APBB2: variants seen among roughly 807,000 people sequenced by gnomAD.
The protein encoded by APBB2 is Fe65-like 1.
A neutral mutation model predicts 82.5 loss-of-function variants in APBB2; 38 were observed. The ratio of observed to expected loss-of-function variants is 0.46; its 90% confidence interval spans 0.36 to 0.60. The LOEUF (loss-of-function observed/expected upper bound fraction) is 0.60, where lower values mean the gene tolerates loss of function less well. APBB2 is among the 20% of genes least tolerant of loss of function. The probability of loss-of-function intolerance (pLI) is 0.00; values close to 1 mark genes in which losing one functional copy is unlikely to be tolerated. For synonymous variants in APBB2, 341 were observed against 368.2 expected, an observed-to-expected ratio of 0.93 and a Z score of 0.85; for missense variants, 772 against 972.3, an observed-to-expected ratio of 0.79 and a Z score of 2.74.
At chr4:41,035,454 A>G (rs140811301) in intron 4 of APBB2, among the ~76,000 whole-genome samples, 1 of 152,362 alleles carries the variant, frequency 6.6e-6, no homozygotes, top group African/African-American at 2.4e-5. Context: ...TCTTTGCCCT[A>G]TAACTTTCTG....
intron 4 of APBB2, among the ~76,000 whole-genome samples, chr4:41,052,780 T>A (rs916881066): frequency 6.6e-6 from 1 of 151,850 alleles, no homozygotes; most frequent in African/African-American, 2.4e-5. Context: ...CTTCTTTTTT[T>A]TTTTTTTGAG....
chr4:40,869,176 C>G (rs2154339445), intron 12 of APBB2, among the ~76,000 whole-genome samples: 1 of 152,146 alleles, frequency 6.6e-6, no homozygotes, highest in Non-Finnish European at 1.5e-5. Flanking sequence ...TTACAGGCAC[C>G]TGCCTGTAAA....
intron 6 of APBB2, among the ~76,000 whole-genome samples, chr4:41,003,476 T>A (rs1479879995): frequency 1.3e-5 from 2 of 152,200 alleles, no homozygotes; most frequent in African/African-American, 4.8e-5. Context: ...TGTATCATCT[T>A]ATTGGGAAAC....
At chr4:41,177,769 T>C (rs1770224413) in intron 1 of APBB2, 1 of 152,172 alleles carries the variant, frequency 6.6e-6, no homozygotes, top group African/African-American at 2.4e-5. Flanking sequence ...TAATACAGGG[T>C]AAGTATCCCT....
intron 1 of APBB2, among the ~76,000 whole-genome samples, chr4:41,209,521 G>A (rs1402006605): frequency 6.6e-6 from 1 of 152,144 alleles, no homozygotes; most frequent in Non-Finnish European, 1.5e-5. Flanking sequence ...TCATCGAGGC[G>A]AGGAGACAAA....
chr4:41,085,753 A>G (rs981448762), intron 3 of APBB2, among the ~76,000 whole-genome samples: 3 of 152,216 alleles, frequency 2.0e-5, no homozygotes, highest in African/African-American at 4.8e-5. Context: ...TCATGCATCT[A>G]CATATGTAAG....
At chr4:41,094,628 G>C (rs1392719925) in intron 3 of APBB2, among the ~76,000 whole-genome samples, 3 of 152,126 alleles carry the variant, frequency 2.0e-5, no homozygotes, top group African/African-American at 7.2e-5. Flanking sequence ...GCAGTGGTGC[G>C]ATCTTGGCTC....
chr4:40,821,611 T>C (rs1191000566), intron 17 of APBB2, among the ~76,000 whole-genome samples: 4 of 152,206 alleles, frequency 2.6e-5, no homozygotes, highest in African/African-American at 4.8e-5. Flanking sequence ...GGATCAAGGA[T>C]TGACCGTCGT....
chr4:41,204,401 A>C (rs1488170524), intron 1 of APBB2, among the ~76,000 whole-genome samples: 1 of 152,170 alleles, frequency 6.6e-6, no homozygotes. Context: ...GTGGGAGGGA[A>C]GGTGGAGGCA....
chr4:41,209,117 A>G (rs1220609254), intron 1 of APBB2, among the ~76,000 whole-genome samples: 1 of 151,988 alleles, frequency 6.6e-6, no homozygotes, highest in Non-Finnish European at 1.5e-5. Flanking sequence ...GGAGTTAATG[A>G]CCCACTCCTA....
chr4:40,973,124 C>A (rs559732608), intron 6 of APBB2, among the ~76,000 whole-genome samples: 1 of 152,162 alleles, frequency 6.6e-6, no homozygotes, highest in African/African-American at 2.4e-5. Flanking sequence ...CCTTCCAGAT[C>A]GACCCTCCCT....
Position 40,819,040 on chromosome 4 carries a change from T to TG in APBB2, c.2113-2782dup, listed in dbSNP as rs1228299962. 3.3e-5 allele frequency among the ~76,000 whole-genome samples: 5 copies of TG among 151,214 alleles called. No individual in the cohort carries two copies. In the East Asian group the frequency reaches 5.8e-4, roughly 18 times the overall value. ...TAACCTCACAATGTGCTGTATGGGG[T>TG]GGGGGGGCGGCGGTCAGAGAACTCC... On this transcript the variant is annotated intron_variant, in intron 17 of 17. Transcript: ENST00000508593.
At chr4:41,105,942 C>T (rs1747080202) in intron 2 of APBB2, among the ~76,000 whole-genome samples, 1 of 150,688 alleles carries the variant, frequency 6.6e-6, no homozygotes, top group Non-Finnish European at 1.5e-5. Flanking sequence ...AATCCAGAGA[C>T]TGTGTCCAAT....
chr4:40,942,149 G>A (rs1787160339), intron 7 of APBB2, among the ~76,000 whole-genome samples: 1 of 152,060 alleles, frequency 6.6e-6, no homozygotes, highest in African/African-American at 2.4e-5. Flanking sequence ...AATCTGCTTG[G>A]TTCTTTGACT....
intron 10 of APBB2, among the ~76,000 whole-genome samples, chr4:40,900,454 GTTT>G (rs71648936): frequency 4.5e-5 from 6 of 132,744 alleles, no homozygotes; most frequent in African/African-American, 1.1e-4. Flanking sequence ...ACGGAAGGAG[GTTT>G]TTTTTTTTTT....
intron 6 of APBB2, among the ~76,000 whole-genome samples, chr4:41,006,158 A>G (rs1422004502): frequency 6.6e-6 from 1 of 152,246 alleles, no homozygotes; most frequent in Non-Finnish European, 1.5e-5. Context: ...CACAAACTGA[A>G]CAAACTCTTT....
chr4:40,907,345 T>TTA (rs1560860217), intron 10 of APBB2, among the ~76,000 whole-genome samples: 118 of 104,932 alleles, frequency 1.1e-3, no homozygotes, highest in African/African-American at 1.9e-3. Context: ...ATTTAATATA[T>TTA]TACATATATA....
chr4:41,058,507 A>G (rs1728613859), intron 4 of APBB2, among the ~76,000 whole-genome samples: 1 of 152,188 alleles, frequency 6.6e-6, no homozygotes, highest in Non-Finnish European at 1.5e-5. Context: ...CAGATCACCA[A>G]TTTTACAGGT....
intron 6 of APBB2, among the ~76,000 whole-genome samples, chr4:40,991,826 G>A (rs950980680): frequency 8.5e-5 from 13 of 152,138 alleles, no homozygotes; most frequent in African/African-American, 3.1e-4. Context: ...TTCACTTGAA[G>A]ATGCTACTCG....
Sources: gnomAD v4.1 joint callset for allele counts (sites outside exome capture counted in the v4.1 genomes callset) on GRCh38, gnomAD v4.1.1 for gene constraint, MANE v1.5 for transcripts, NCBI Gene and HGNC (gene_info 2026-07-23, HGNC 2026-07-21) for gene names.